The following AKT3 variants were observed in gnomAD, a reference collection of about 807,000 sequenced individuals.
The protein encoded by AKT3 is RAC-gamma serine/threonine-protein kinase.
Under a neutral mutation model 65.3 loss-of-function variants are expected in AKT3, and 15 were observed. The observed-to-expected ratio is 0.23, with a 90% confidence interval of 0.15 to 0.35. The LOEUF (loss-of-function observed/expected upper bound fraction) is 0.35, where lower values mean the gene tolerates loss of function less well. Among genes scored for constraint, AKT3 ranks in the 10% least tolerant of loss-of-function variants. AKT3 has a pLI of 1.00. For synonymous variants in AKT3, 206 were observed against 183.8 expected (o/e 1.12, Z -0.98); for missense variants, 243 against 576.5 (o/e 0.42, Z 5.92).
intron 2 of AKT3, among the ~76,000 whole-genome samples, chr1:243,775,851 A>C (rs1690511775): frequency 6.6e-6 from 1 of 152,196 alleles, no homozygotes; most frequent in Non-Finnish European, 1.5e-5. Flanking sequence ...TCCCAGGCTC[A>C]CTGAAAAACC....
intron 2 of AKT3, among the ~76,000 whole-genome samples, chr1:243,728,375 C>G (rs981515981): frequency 1.1e-4 from 17 of 152,224 alleles, no homozygotes; most frequent in Non-Finnish European, 1.5e-5. Context: ...GGTGTACTCC[C>G]TTTCTGTGAC....
At position 243,502,651 on chromosome 1, in the gene AKT3, C is replaced by T. The variant is rs1669391335; in HGVS notation, c.*2598G>A. ...CTGGTTTTCTATTATTCCTCCATGG[C>T]AGCTGACAGATCTGGAAGTGAAAAT... On this transcript the variant is annotated 3_prime_UTR_variant, in exon 14 of 14. Transcript: ENST00000673466. 1 of 233,130 alleles carries T rather than the reference C, an allele frequency of 4.3e-6. No homozygotes were observed. The highest frequency in any genetic ancestry group is 2.2e-5 in the African/African-American group (1 of 45,338). 14.4% of individuals were successfully genotyped at this position (233,130 alleles called of 1,614,324 possible).
At chr1:243,843,687 C>G in intron 1 of AKT3, 1 of 624,266 alleles carries the variant, frequency 1.6e-6, no homozygotes, top group Non-Finnish European at 2.0e-6. Context: ...GAATCTCACT[C>G]TGTCGCCAGG....
chr1:243,613,935 GTA>G (rs1678088990), intron 7 of AKT3, among the ~76,000 whole-genome samples, 196 bp from the exon 8 acceptor site: 1 of 152,066 alleles, frequency 6.6e-6, no homozygotes, highest in African/African-American at 2.4e-5. Flanking sequence ...TTCACAATAG[GTA>G]TTATTACAAG....
At chr1:243,710,329 T>C (rs897389915) in intron 2 of AKT3, among the ~76,000 whole-genome samples, 1 of 152,178 alleles carries the variant, frequency 6.6e-6, no homozygotes, top group African/African-American at 2.4e-5. Context: ...ACAAAAATTA[T>C]TTGTTTATAA....
At chr1:243,563,327 C>T (rs960132058) in intron 10 of AKT3, among the ~76,000 whole-genome samples, 2 of 151,986 alleles carry the variant, frequency 1.3e-5, no homozygotes, top group Admixed American at 1.3e-4. Flanking sequence ...TTAAATAAAC[C>T]CACAATACTA....
At position 243,843,245 on chromosome 1, in the gene AKT3, C is replaced by A; in HGVS notation, c.-75G>T. 6.4e-7 allele frequency: 1 copy of A among 1,557,692 alleles called. No homozygotes were observed. Among genetic ancestry groups the A allele is most frequent in the Non-Finnish European group, 8.7e-7 (1 of 1,146,752 alleles). On this transcript the variant is annotated 5_prime_UTR_variant, in exon 2 of 14. Transcript: ENST00000673466. ...TCAGCTTTAGGGTTTGGATTCTCTG[C>A]TGCTGCTGCCCTTCCCACTCTCTAG...
chr1:243,841,719 A>G (rs1484351710), intron 2 of AKT3, among the ~76,000 whole-genome samples: 1 of 152,124 alleles, frequency 6.6e-6, no homozygotes, highest in East Asian at 1.9e-4. Context: ...AAAGACATGC[A>G]CTCTAATGTC....
At chr1:243,742,587 T>G (rs540831888) in intron 2 of AKT3, among the ~76,000 whole-genome samples, 1 of 152,342 alleles carries the variant, frequency 6.6e-6, no homozygotes, top group Admixed American at 6.5e-5. Context: ...ACGGCACCAC[T>G]GCACTCCAGC....
chr1:243,774,783 TAAGG>T (rs1280315443), intron 2 of AKT3, among the ~76,000 whole-genome samples: 1 of 152,148 alleles, frequency 6.6e-6, no homozygotes, highest in East Asian at 1.9e-4. Flanking sequence ...AAAATTCACA[TAAGG>T]AAAAAACTCA....
Position 243,733,494 on chromosome 1 carries a change from C to A in AKT3, c.47-37778G>T, listed in dbSNP as rs561721575. Among the ~76,000 whole-genome samples, 8 of 152,240 alleles carry A rather than the reference C, an allele frequency of 5.3e-5. No homozygotes were observed. The South Asian group carries it at 1.5e-3, about 28-fold the overall frequency. ...GCTACAGCTGTAACTACATTGCACACGGACAGAGCACAAAAACAATATTAA... is the reference window on the plus strand; with the variant it reads ...GCTACAGCTGTAACTACATTGCACAAGGACAGAGCACAAAAACAATATTAA... On this transcript the variant is annotated intron_variant, in intron 2 of 13. Transcript: ENST00000673466.
intron 2 of AKT3, chr1:243,793,191 G>A (rs752080532): frequency 3.3e-5 from 5 of 152,060 alleles, no homozygotes; most frequent in Admixed American, 1.3e-4. Context: ...AGAAACACAC[G>A]TTGCAAATAA....
chr1:243,785,671 G>C (rs993733630), intron 2 of AKT3, among the ~76,000 whole-genome samples: 1 of 152,116 alleles, frequency 6.6e-6, no homozygotes, highest in Non-Finnish European at 1.5e-5. Flanking sequence ...TAGATGTGTC[G>C]TAGGATGCGT....
intron 2 of AKT3, among the ~76,000 whole-genome samples, chr1:243,769,569 T>C (rs1435200173): frequency 6.6e-6 from 1 of 152,216 alleles, no homozygotes; most frequent in Non-Finnish European, 1.5e-5. Context: ...TTTTCATGTA[T>C]TATTGGCCAT....
chr1:243,816,094 T>C (rs1382399966), intron 2 of AKT3, among the ~76,000 whole-genome samples: 8 of 152,174 alleles, frequency 5.3e-5, no homozygotes, highest in African/African-American at 1.9e-4. Flanking sequence ...CAGAAGACCC[T>C]ACTTGGTTTC....
rs539813854 is a variant in AKT3 at position 243,622,113 on chromosome 1, C to T, written c.562-6952G>A. ...AAAAGCCAATATCCTTACAAACATC[C>T]TACACCATTCTTGTTCCACACCATG... is the stretch of plus-strand genomic sequence containing the variant. On this transcript the variant is annotated intron_variant, in intron 6 of 13. Coordinates refer to ENST00000673466, the MANE Select transcript of AKT3 (RefSeq NM_005465.7). 2.0e-5 allele frequency among the ~76,000 whole-genome samples: 3 copies of T among 152,320 alleles called. No homozygotes were observed. The East Asian group carries it at 5.8e-4, about 29-fold the overall frequency.
chr1:243,655,797 C>A (rs1468512934), intron 4 of AKT3, among the ~76,000 whole-genome samples: 3 of 151,970 alleles, frequency 2.0e-5, no homozygotes, highest in Middle Eastern at 3.2e-3. Context: ...TCCTAGATTC[C>A]AAAATATCAC....
chr1:243,755,803 T>C (rs1689101393), intron 2 of AKT3, among the ~76,000 whole-genome samples: 1 of 152,196 alleles, frequency 6.6e-6, no homozygotes, highest in Admixed American at 6.5e-5. Flanking sequence ...CACCTAAAGA[T>C]CAAAGCATAA....
chr1:243,782,506 C>T (rs943678429), intron 2 of AKT3, among the ~76,000 whole-genome samples: 1 of 152,076 alleles, frequency 6.6e-6, no homozygotes, highest in Non-Finnish European at 1.5e-5. Flanking sequence ...TTTATGCAGG[C>T]AGAGCCCTCA....
Sources: gnomAD v4.1 joint callset for allele counts (sites outside exome capture counted in the v4.1 genomes callset) on GRCh38, gnomAD v4.1.1 for gene constraint, MANE v1.5 for transcripts, NCBI Gene and HGNC (gene_info 2026-07-23, HGNC 2026-07-21) for gene names.